The following PTGR3 variants were observed in gnomAD, a reference collection of about 807,000 sequenced individuals.
The protein encoded by PTGR3 is prostaglandin reductase 3, also known as zinc binding alcohol dehydrogenase domain containing 2.
chr18:75,203,034 G>A, the PTGR3 span, among the ~76,000 whole-genome samples: 3 of 152,186 alleles, frequency 2.0e-5, no homozygotes, highest in Admixed American at 6.5e-5. Context: ...AACAAAAATT[G>A]GGTAGAGCGA....
chr18:75,202,156 A>G, the PTGR3 span: 1 of 1,614,132 alleles, frequency 6.2e-7, no homozygotes, highest in East Asian at 2.2e-5. Flanking sequence ...ACAACTGTGT[A>G]CTCAGCAAAA....
chr18:75,205,566 C>G, the PTGR3 span: 1 of 862,796 alleles, frequency 1.2e-6, no homozygotes, highest in South Asian at 5.4e-5. Flanking sequence ...GCTAAACCCC[C>G]TCGTCATGTT....
At chr18:75,203,483 A>C in the PTGR3 span, among the ~76,000 whole-genome samples, 1 of 152,204 alleles carries the variant, frequency 6.6e-6, no homozygotes. Context: ...TGATATAGGT[A>C]ATACTCTGCG....
the PTGR3 span, chr18:75,202,363 A>AT: frequency 6.3e-7 from 1 of 1,588,870 alleles, no homozygotes; most frequent in Non-Finnish European, 8.6e-7. Context: ...AAACAAACAA[A>AT]TATGTTACGA....
chr18:75,207,056 C>A, the PTGR3 span, among the ~76,000 whole-genome samples: 4,747 of 152,236 alleles, frequency 0.031, 209 homozygotes, highest in African/African-American at 0.096. Flanking sequence ...GGAAAAAAAA[C>A]CCCACAGAGT....
chr18:75,202,094 G>C, the PTGR3 span: 10 of 1,614,022 alleles, frequency 6.2e-6, no homozygotes, highest in South Asian at 1.1e-4. Context: ...TTACCAGCAG[G>C]GTAAGATACT....
the PTGR3 span, chr18:75,201,393 T>C: frequency 6.3e-7 from 1 of 1,579,286 alleles, no homozygotes; most frequent in Non-Finnish European, 8.6e-7. Context: ...CTTTCTCCCT[T>C]GATTTATGTC....
the PTGR3 span, chr18:75,198,977 C>T: frequency 6.6e-6 from 1 of 152,522 alleles, no homozygotes; most frequent in Admixed American, 6.5e-5. Flanking sequence ...CCTCAATTTA[C>T]AAATCATTTT....
the PTGR3 span, chr18:75,205,081 C>T: frequency 4.4e-6 from 4 of 906,990 alleles, no homozygotes; most frequent in Non-Finnish European, 5.3e-6. Flanking sequence ...CCTTGGTCTC[C>T]CTGCCTCCGG....
chr18:75,202,559 T>C, the PTGR3 span, among the ~76,000 whole-genome samples: 1 of 152,096 alleles, frequency 6.6e-6, no homozygotes, highest in Non-Finnish European at 1.5e-5. Flanking sequence ...GCATATTTTT[T>C]CCTTTCATCA....
the PTGR3 span, among the ~76,000 whole-genome samples, chr18:75,207,935 G>A: frequency 9.8e-5 from 15 of 152,286 alleles, no homozygotes; most frequent in African/African-American, 3.4e-4. Context: ...GGACTTTGCA[G>A]GCCTCTGCAG....
chr18:75,208,192 C>G, the PTGR3 span, among the ~76,000 whole-genome samples: 1 of 152,232 alleles, frequency 6.6e-6, no homozygotes, highest in Non-Finnish European at 1.5e-5. Flanking sequence ...GCAGCCATGC[C>G]CCCACCCCGA....
chr18:75,200,811 ACTT>A, the PTGR3 span: 1 of 152,324 alleles, frequency 6.6e-6, no homozygotes, highest in East Asian at 1.9e-4. Flanking sequence ...ATTACGTGCT[ACTT>A]CTTCAAAACA....
the PTGR3 span, chr18:75,209,101 GTCGGCCCCCGCCCGGGC>G: frequency 7.0e-7 from 1 of 1,422,932 alleles, no homozygotes; most frequent in African/African-American, 1.5e-5. The surrounding 1 kb of genome is among the most constrained non-coding windows in gnomAD (Gnocchi z 4.7). Context: ...GCTGGCCGGG[GTCGGCCCCCGCCCGGGC>G]CGCTCGGCTC....
At chr18:75,205,801 A>C in the PTGR3 span, among the ~76,000 whole-genome samples, 2 of 142,520 alleles carry the variant, frequency 1.4e-5, no homozygotes, top group East Asian at 4.9e-4. Context: ...ACAAGAAAAA[A>C]AGCGGGGGGG....
the PTGR3 span, chr18:75,197,503 G>C: frequency 6.6e-6 from 1 of 152,118 alleles, no homozygotes; most frequent in Non-Finnish European, 1.5e-5. Context: ...CACACCAACT[G>C]TATTGATGAT....
chr18:75,200,200 C>G, the PTGR3 span: 1 of 152,162 alleles, frequency 6.6e-6, no homozygotes, highest in East Asian at 1.9e-4. Flanking sequence ...CGGCAGCAGT[C>G]TTCAGGGCAC....
the PTGR3 span, chr18:75,201,814 C>T: frequency 1.7e-5 from 27 of 1,614,068 alleles, no homozygotes; most frequent in Non-Finnish European, 2.0e-5. Flanking sequence ...CCAACAGATT[C>T]ATAGACCACA....
At chr18:75,208,772 G>C in the PTGR3 span, 1 of 1,271,270 alleles carries the variant, frequency 7.9e-7, no homozygotes. Flanking sequence ...GGGCGGGCTG[G>C]GGACTGCGGG....
Sources: gnomAD v4.1 joint callset for allele counts (sites outside exome capture counted in the v4.1 genomes callset) on GRCh38, gnomAD v4.1.1 for gene constraint, Gnocchi (gnomAD v3.1) non-coding constraint, MANE v1.5 for transcripts, NCBI Gene and HGNC (gene_info 2026-07-23, HGNC 2026-07-21) for gene names.